C5: variants seen among roughly 807,000 people sequenced by gnomAD.
C5 encodes the protein complement C5.
C5 carries 140 observed loss-of-function variants against 218.8 expected under a neutral mutation model. The ratio of observed to expected loss-of-function variants is 0.64; its 90% CI spans 0.56 to 0.74. The LOEUF (loss-of-function observed/expected upper bound fraction) is 0.74. C5 is among the 30% of genes least tolerant of loss of function. C5 has a pLI of 0.00. For missense variants in C5, 1,700 were observed against 1,969.6 expected, an observed-to-expected ratio of 0.86 and a Z score of 2.59; for synonymous variants, 614 against 682.3, an observed-to-expected ratio of 0.90 and a Z score of 1.56.
At chr9:121,021,718 C>G (rs1211088397) in intron 10 of C5, 24 bp from the exon 11 acceptor site, 1 of 1,573,760 alleles carries the variant, frequency 6.4e-7, no homozygotes, top group South Asian at 1.1e-5. Context: ...CAATCCAAAT[C>G]TATTTCAACA....
intron 38 of C5, 102 bp from the exon 39 acceptor site, chr9:120,957,470 CA>C: frequency 2.4e-6 from 2 of 839,784 alleles, no homozygotes; most frequent in Non-Finnish European, 4.1e-6. Context: ...TGAAGCATGG[CA>C]AACTATTATA....
At position 120,953,807 on chromosome 9, in the gene C5, G is replaced by A. The variant is rs762688981; in HGVS notation, c.4824C>T (p.Asn1608=). The change falls in exon 40 of 41, where the codon AAC becomes AAT. Residue 1608 remains asparagine (N), a synonymous_variant. Transcript: ENST00000223642. ...ITFIKKVTCT[N]AELVKGRQYL... ...ACTGTCTTCCTTTTACCAGCTCAGC[G>A]TTAGTACAGGTTACCTTTTTAATGA... 51 of 1,613,498 alleles carry A rather than the reference G, an allele frequency of 3.2e-5. No individual in the cohort carries two copies. The highest frequency in any genetic ancestry group is 3.0e-4 in the South Asian group (27 of 91,078).
At chr9:121,024,912 T>G (rs2047406696) in intron 9 of C5, among the ~76,000 whole-genome samples, 1 of 152,136 alleles carries the variant, frequency 6.6e-6, no homozygotes, top group African/African-American at 2.4e-5. Flanking sequence ...TCATAGATAC[T>G]GCTTAAACTG....
At chr9:120,990,693 T>G (rs1391021365) in intron 23 of C5, among the ~76,000 whole-genome samples, 2 of 152,244 alleles carry the variant, frequency 1.3e-5, no homozygotes, top group Non-Finnish European at 2.9e-5. Flanking sequence ...GCCTTGATCT[T>G]GGACTTCCCA....
chr9:120,961,357 G>C, intron 37 of C5, 125 bp downstream of exon 37: 1 of 710,288 alleles, frequency 1.4e-6, no homozygotes, highest in East Asian at 2.7e-5. Context: ...CTTTCAATTA[G>C]CTGAGATAGC....
chr9:120,960,419 G>A, intron 37 of C5, 82 bp from the exon 38 acceptor site: 1 of 896,684 alleles, frequency 1.1e-6, no homozygotes, highest in Non-Finnish European at 1.9e-6. Context: ...GGTTTCTCAT[G>A]AGCCCAGAGA....
At chr9:121,074,825 A>G in the C5 span, 1 of 455,744 alleles carries the variant, frequency 2.2e-6, no homozygotes, top group Non-Finnish European at 4.4e-6. Flanking sequence ...CGCGCCCAAG[A>G]CTCCCCGGCA....
chr9:121,053,666 C>G (rs978416925), upstream of C5, among the ~76,000 whole-genome samples: 4 of 152,160 alleles, frequency 2.6e-5, no homozygotes, highest in Admixed American at 2.0e-4. Flanking sequence ...CCTGTATTGC[C>G]TATACCACCC....
intron 33 of C5, 94 bp downstream of exon 33, chr9:120,968,967 G>T: frequency 1.0e-6 from 1 of 1,004,110 alleles, no homozygotes; most frequent in Non-Finnish European, 1.6e-6. Flanking sequence ...TGTATCTTCT[G>T]GACATACCAA....
rs747297584 is a variant in C5, at chr9:121,008,508, A to G, written c.2258-10T>C. On this transcript the variant is annotated splice_polypyrimidine_tract_variant and intron_variant, in intron 17 of 40. Coordinates refer to ENST00000223642, the MANE Select transcript of C5 (RefSeq NM_001735.3). ...AACAGGGTCTTCATGTCTGGACAAA[A>G]AAATCATATTCAATTATGGAAAAAC... The G allele has an allele frequency of 6.3e-7, 1 of 1,584,718 alleles. No homozygotes were observed. Among genetic ancestry groups the G allele is most frequent in the Non-Finnish European group, 8.7e-7 (1 of 1,153,336 alleles).
At chr9:120,959,612 GCTCT>G (rs145550649) in intron 38 of C5, among the ~76,000 whole-genome samples, 14 of 151,702 alleles carry the variant, frequency 9.2e-5, no homozygotes, top group African/African-American at 1.7e-4. Context: ...TGTACAATAT[GCTCT>G]CTCTCTCTCA....
the C5 span, among the ~76,000 whole-genome samples, chr9:121,064,934 G>A: frequency 1.3e-5 from 2 of 152,058 alleles, no homozygotes; most frequent in African/African-American, 4.8e-5. Flanking sequence ...ACATGGTGGC[G>A]GTGCCTGTAA....
At chr9:121,060,985 C>T in the C5 span, among the ~76,000 whole-genome samples, 32 of 152,192 alleles carry the variant, frequency 2.1e-4, no homozygotes, top group East Asian at 1.9e-4. Context: ...GTCAGGAGTT[C>T]GACACCAGCC....
At chr9:121,028,001 AAAAC>A (rs1293081763) in intron 7 of C5, among the ~76,000 whole-genome samples, 6 of 152,214 alleles carry the variant, frequency 3.9e-5, no homozygotes, top group Admixed American at 2.6e-4. Context: ...TTACAAGAAA[AAAAC>A]AAACAACCCC....
At chr9:121,048,916 C>T (rs148615303) in intron 1 of C5, among the ~76,000 whole-genome samples, 152 of 152,210 alleles carry the variant, frequency 1.0e-3, no homozygotes, top group Admixed American at 2.0e-3. Flanking sequence ...TAAAATAGTG[C>T]CCCATAATTA....
chr9:121,025,723 G>A, intron 8 of C5, 143 bp from the exon 9 acceptor site: 1 of 722,140 alleles, frequency 1.4e-6, no homozygotes, highest in Non-Finnish European at 2.4e-6. Flanking sequence ...AGATAACCGA[G>A]TCCACGATTA....
intron 40 of C5, 146 bp downstream of exon 40, chr9:120,953,584 C>A: frequency 2.3e-6 from 2 of 875,758 alleles, no homozygotes; most frequent in Non-Finnish European, 3.7e-6. Context: ...GGTTTTAAAT[C>A]ATTCTTTGCT....
chr9:120,988,995 T>C (rs1177123648), intron 25 of C5, 51 bp downstream of exon 25: 3 of 1,298,318 alleles, frequency 2.3e-6, no homozygotes, highest in African/African-American at 1.5e-5. Context: ...GTTATTATTC[T>C]TTAGTTAATT....
At chr9:121,060,059 T>A in the C5 span, among the ~76,000 whole-genome samples, 2 of 152,238 alleles carry the variant, frequency 1.3e-5, no homozygotes, top group Admixed American at 1.3e-4. Context: ...AATAGTAATT[T>A]TACACTAGAT....
Sources: allele counts gnomAD v4.1 joint callset (sites outside exome capture counted in the v4.1 genomes callset), GRCh38; gene constraint gnomAD v4.1.1; transcripts MANE v1.5; gene names NCBI Gene and HGNC (gene_info 2026-07-23, HGNC 2026-07-21).